HOPX: variants seen among roughly 807,000 people sequenced by gnomAD.
HOPX encodes homeodomain-only protein.
Under a neutral mutation model 11.8 loss-of-function variants are expected in HOPX, and 5 were observed. The observed-to-expected ratio is 0.43, with a 90% CI of 0.22 to 0.89. HOPX has a LOEUF of 0.89. HOPX is among the 40% of genes least tolerant of loss of function. HOPX has a pLI of 0.28. For missense variants in HOPX, 119 were observed against 120.0 expected, an observed-to-expected ratio of 0.99 and a Z score of 0.04; for synonymous variants, 49 against 49.7, an observed-to-expected ratio of 0.99 and a Z score of 0.06.
At chr4:56,679,869 A>T (rs1719234883) in intron 1 of HOPX, 1 of 152,234 alleles carries the variant, frequency 6.6e-6, no homozygotes, top group Non-Finnish European at 1.5e-5. Flanking sequence ...TGGACATAAC[A>T]TCTAATTATC....
chr4:56,659,882 T>C lies in HOPX; in HGVS notation c.-83-1983A>G, dbSNP rs553752114. On this transcript the variant is annotated intron_variant, in intron 1 of 3. Coordinates refer to ENST00000420433, the MANE Select transcript of HOPX (RefSeq NM_032495.6). ...AAAGGAATAAGCTTTTAGAAGTAGA[T>C]ATTAGAATGACTAATTTAAACCTAA... 4.5e-4 allele frequency among the ~76,000 whole-genome samples: 69 copies of C among 152,336 alleles called. No individual in the cohort carries two copies. In the Middle Eastern group the frequency reaches 0.014, roughly 30 times the overall value.
intron 1 of HOPX, among the ~76,000 whole-genome samples, chr4:56,673,889 GA>G: frequency 6.6e-6 from 1 of 150,584 alleles, no homozygotes; most frequent in South Asian, 2.1e-4. Context: ...ATTTTTAGTA[GA>G]GACGGGGTTT....
At chr4:56,659,074 C>G (rs1418167410) in intron 1 of HOPX, 1 of 152,136 alleles carries the variant, frequency 6.6e-6, no homozygotes, top group Non-Finnish European at 1.5e-5. Context: ...CTTTGGTTAC[C>G]TCTGTAGTAA....
Position 56,676,491 on chromosome 4 carries a change from A to C in HOPX, c.-84+4764T>G, listed in dbSNP as rs1269014319. 1.3e-5 allele frequency: 2 copies of C among 151,734 alleles called. 1 individual carries two copies. Among genetic ancestry groups the C allele is most frequent in the African/African-American group, 4.9e-5 (2 of 40,968 alleles). 9.4% of individuals were successfully genotyped at this position (151,734 alleles called of 1,614,324 possible). ...AAGGAAGGAAGAAATTCTATCGGTC[A>C]TACAAACCTGTTTTATCAGTCTTGC... On this transcript the variant is annotated intron_variant, in intron 1 of 3. Coordinates refer to ENST00000420433, the MANE Select transcript of HOPX (RefSeq NM_032495.6).
intron 1 of HOPX, among the ~76,000 whole-genome samples, chr4:56,658,463 A>C (rs777660567): frequency 5.9e-5 from 9 of 152,196 alleles, no homozygotes; most frequent in Non-Finnish European, 1.0e-4. Flanking sequence ...GAAAGCGCCT[A>C]CTTCTCCAAG....
intron 1 of HOPX, among the ~76,000 whole-genome samples, chr4:56,660,527 T>A (rs1718054092): frequency 1.3e-5 from 2 of 152,170 alleles, no homozygotes; most frequent in South Asian, 4.1e-4. Flanking sequence ...TTTTTCAAAT[T>A]TTCTATAATA....
intron 1 of HOPX, among the ~76,000 whole-genome samples, chr4:56,670,654 G>A (rs1235233488): frequency 6.6e-6 from 1 of 152,062 alleles, no homozygotes; most frequent in Non-Finnish European, 1.5e-5. Context: ...GAAGAGGAAG[G>A]GTGCTCAAAA....
At chr4:56,677,565 C>T (rs1719080374) in intron 1 of HOPX, among the ~76,000 whole-genome samples, 1 of 151,628 alleles carries the variant, frequency 6.6e-6, no homozygotes, top group Non-Finnish European at 1.5e-5. Context: ...ATGGAGAAAA[C>T]AAGCCCTGAG....
chr4:56,668,699 C>T (rs142346964), intron 1 of HOPX, among the ~76,000 whole-genome samples: 12 of 152,274 alleles, frequency 7.9e-5, no homozygotes, highest in African/African-American at 2.6e-4. Flanking sequence ...GTATATAGCA[C>T]TAGTTGCAGA....
At chr4:56,676,083 G>A (rs1252747738) in intron 1 of HOPX, among the ~76,000 whole-genome samples, 1 of 151,588 alleles carries the variant, frequency 6.6e-6, no homozygotes, top group Non-Finnish European at 1.5e-5. Context: ...GATCGTTTGA[G>A]CTCAGGAGTT....
In HOPX at chr4:56,665,962, A is replaced by C. The variant is rs558696150; in HGVS notation, c.-83-8063T>G. ...AGATCCTTGATGGGAAGTTGTGGTGAAAGGGGCAGTAGAGCCAGGTGGGCT... is the reference window on the plus strand; with the variant it reads ...AGATCCTTGATGGGAAGTTGTGGTGCAAGGGGCAGTAGAGCCAGGTGGGCT... On this transcript the variant is annotated intron_variant, in intron 1 of 3. Coordinates refer to ENST00000420433, the MANE Select transcript of HOPX (RefSeq NM_032495.6). Among the ~76,000 whole-genome samples, 31 of 152,254 alleles carry C rather than the reference A, an allele frequency of 2.0e-4. No individual in the cohort carries two copies. In the South Asian group the frequency reaches 6.0e-3, roughly 30 times the overall value.
chr4:56,670,163 C>T (rs1033481529), intron 1 of HOPX, among the ~76,000 whole-genome samples: 5 of 152,084 alleles, frequency 3.3e-5, no homozygotes. Flanking sequence ...AGAGTCAATC[C>T]TATGATCAAA....
upstream of HOPX, chr4:56,681,657 A>G: frequency 1.0e-6 from 1 of 1,000,216 alleles, no homozygotes; most frequent in Non-Finnish European, 1.2e-6. Context: ...CCTTACTTTG[A>G]GCGAGTTTCC....
At chr4:56,657,548 C>T (rs1263127686) in intron 2 of HOPX, among the ~76,000 whole-genome samples, 1 of 152,182 alleles carries the variant, frequency 6.6e-6, no homozygotes, top group Non-Finnish European at 1.5e-5. Flanking sequence ...AACGGGAAGT[C>T]ATTCTACTGT....
chr4:56,661,104 G>C (rs932487602), intron 1 of HOPX, among the ~76,000 whole-genome samples: 2 of 152,076 alleles, frequency 1.3e-5, no homozygotes, highest in Non-Finnish European at 2.9e-5. Flanking sequence ...GAGCCACTGC[G>C]TCCAGCCACT....
intron 1 of HOPX, 56 bp from the exon 2 acceptor site, chr4:56,657,955 A>G: frequency 1.3e-6 from 2 of 1,503,824 alleles, no homozygotes; most frequent in Non-Finnish European, 1.8e-6. Context: ...GCTCATTGCC[A>G]TTTTGAATGG....
rs527997612 is a variant in HOPX at position 56,656,445 on chromosome 4, G to C, written c.43-433C>G. Reference sequence around the variant, plus strand: ...GGGGACCTCCCCTGGGGACAGACTTGACAGATCGCGAGGGTGGGTTCGCCC... The same window carrying C: ...GGGGACCTCCCCTGGGGACAGACTTCACAGATCGCGAGGGTGGGTTCGCCC... On this transcript the variant is annotated intron_variant, in intron 2 of 3. Transcript: ENST00000420433. 43 of 987,142 alleles carry C rather than the reference G, an allele frequency of 4.4e-5. No homozygotes were observed. In the South Asian group the frequency reaches 1.2e-3, roughly 28 times the overall value. 61.1% of individuals were successfully genotyped at this position (987,142 alleles called of 1,614,324 possible).
chr4:56,678,633 A>G (rs1719151999), intron 1 of HOPX: 1 of 151,934 alleles, frequency 6.6e-6, no homozygotes, highest in South Asian at 2.1e-4. Flanking sequence ...TTTAGTAAAG[A>G]TGAGGTTTCA....
At position 56,678,468 on chromosome 4, in the gene HOPX, C is replaced by T. The variant is rs558437563; in HGVS notation, c.-84+2787G>A. ...TTTTTTTTTTTTTTTTTTTTTGAGA[C>T]GGAGTCTTGCTCTGCCACCCAGGCA... On this transcript the variant is annotated intron_variant, in intron 1 of 3. Coordinates refer to ENST00000420433, the MANE Select transcript of HOPX (RefSeq NM_032495.6). Among the ~76,000 whole-genome samples the T allele has an allele frequency of 5.3e-5, 6 of 113,396 alleles. No homozygotes were observed. In the East Asian group the frequency reaches 8.0e-4, roughly 15 times the overall value. The allele number at this position is 113,396 out of a possible 152,430, so 74.4% of individuals were successfully genotyped here.
Sources: gnomAD v4.1 joint callset for allele counts (sites outside exome capture counted in the v4.1 genomes callset) on GRCh38, gnomAD v4.1.1 for gene constraint, MANE v1.5 for transcripts, NCBI Gene and HGNC (gene_info 2026-07-23, HGNC 2026-07-21) for gene names.